PRKCB: variants seen among roughly 807,000 people sequenced by gnomAD.
The protein encoded by PRKCB is protein kinase C beta type.
Under a neutral mutation model 81.5 loss-of-function variants are expected in PRKCB, and 13 were observed. The ratio of observed to expected loss-of-function variants is 0.16; its 90% CI spans 0.10 to 0.25. PRKCB has a LOEUF of 0.25. PRKCB is among the 10% of genes least tolerant of loss of function. PRKCB has a pLI of 1.00. For missense variants in PRKCB, 509 were observed against 875.7 expected (o/e 0.58, Z 5.29); for synonymous variants, 335 against 321.4 (o/e 1.04, Z -0.45).
At chr16:24,181,410 A>G (rs1967619476) in intron 13 of PRKCB, among the ~76,000 whole-genome samples, 1 of 152,154 alleles carries the variant, frequency 6.6e-6, no homozygotes, top group Non-Finnish European at 1.5e-5. Flanking sequence ...TGAGTTAGAT[A>G]TATATGTAGA....
At chr16:23,933,277 T>C (rs764525020) in intron 2 of PRKCB, among the ~76,000 whole-genome samples, 5 of 152,214 alleles carry the variant, frequency 3.3e-5, no homozygotes, top group Non-Finnish European at 7.3e-5. Context: ...ACATTATGAC[T>C]ATGAACAGGT....
intron 3 of PRKCB, among the ~76,000 whole-genome samples, chr16:23,990,480 C>CT (rs759982148): frequency 1.2e-3 from 177 of 142,318 alleles, no homozygotes; most frequent in African/African-American, 1.4e-3. Flanking sequence ...AAAAAAGAAG[C>CT]TTTTTTTTTT....
At chr16:24,074,766 A>C (rs1966157659) in intron 5 of PRKCB, among the ~76,000 whole-genome samples, 1 of 152,278 alleles carries the variant, frequency 6.6e-6, no homozygotes, top group South Asian at 2.1e-4. Context: ...AAGGAGGCTG[A>C]TGCAACGGTC....
rs1968209732 is a variant in PRKCB at position 24,215,358 on chromosome 16, A to G, written c.*542A>G. 3 of 986,186 alleles carry G rather than the reference A, an allele frequency of 3.0e-6. No individual in the cohort carries two copies. Among genetic ancestry groups the G allele is most frequent in the Non-Finnish European group, 1.2e-6 (1 of 830,168 alleles). 61.1% of individuals were successfully genotyped at this position (986,186 alleles called of 1,614,324 possible). A position where few individuals can be genotyped will look rare whatever the true frequency, so the allele number is the denominator to read the frequency against. On this transcript the variant is annotated 3_prime_UTR_variant, in exon 17 of 17. Coordinates refer to ENST00000643927, the MANE Select transcript of PRKCB (RefSeq NM_002738.7). The stretch of plus-strand genomic sequence containing the variant: ...TTTTTGTAAACTCAAAGTTAAGATG[A>G]TCAAAGTTCTAAAATTCCAAGAATG...
intron 2 of PRKCB, among the ~76,000 whole-genome samples, chr16:23,895,377 G>T (rs1963362882): frequency 6.6e-6 from 1 of 151,800 alleles, no homozygotes; most frequent in Admixed American, 6.6e-5. Flanking sequence ...ACTTTTTTCT[G>T]TTTCCAGATG....
intron 10 of PRKCB, among the ~76,000 whole-genome samples, chr16:24,165,828 A>G (rs987002682): frequency 2.4e-4 from 36 of 151,308 alleles, no homozygotes; most frequent in African/African-American, 8.5e-4. Flanking sequence ...AAATAAGTCA[A>G]TTTTAGTAGA....
chr16:24,040,264 CTCAT>C (rs1965682424), intron 5 of PRKCB, among the ~76,000 whole-genome samples: 1 of 152,216 alleles, frequency 6.6e-6, no homozygotes, highest in African/African-American at 2.4e-5. Flanking sequence ...ACATGGCGAT[CTCAT>C]TCTTTATTCA....
intron 5 of PRKCB, among the ~76,000 whole-genome samples, chr16:24,041,572 T>C (rs1446493619): frequency 1.3e-5 from 2 of 152,134 alleles, no homozygotes; most frequent in African/African-American, 4.8e-5. Context: ...TTCTATATTC[T>C]TACCATTATA....
chr16:23,872,512 C>A (rs1962921557), intron 2 of PRKCB, among the ~76,000 whole-genome samples: 3 of 152,112 alleles, frequency 2.0e-5, no homozygotes, highest in South Asian at 4.1e-4. Context: ...CAGAGCAAGA[C>A]CCTTTATCTA....
chr16:24,182,207 C>A (rs935207537), intron 13 of PRKCB, among the ~76,000 whole-genome samples: 10 of 151,970 alleles, frequency 6.6e-5, no homozygotes, highest in African/African-American at 2.4e-4. Flanking sequence ...AGTTTAGAGT[C>A]GTGAGGGAGC....
chr16:24,079,683 T>A (rs1451264204), intron 5 of PRKCB, among the ~76,000 whole-genome samples: 2 of 152,158 alleles, frequency 1.3e-5, no homozygotes, highest in African/African-American at 4.8e-5. Context: ...TCCAAGCTGA[T>A]TTTGTGTTCT....
chr16:24,110,314 C>T (rs1263503397), intron 7 of PRKCB, among the ~76,000 whole-genome samples: 5 of 151,348 alleles, frequency 3.3e-5, no homozygotes, highest in South Asian at 4.2e-4. Context: ...CGGGTTCAAG[C>T]GATTCTCCTG....
chr16:23,989,745 G>T (rs959006785), intron 3 of PRKCB, among the ~76,000 whole-genome samples: 1 of 152,140 alleles, frequency 6.6e-6, no homozygotes, highest in Admixed American at 6.5e-5. Context: ...GTACATTGTT[G>T]ATTGGCCTAC....
intron 2 of PRKCB, among the ~76,000 whole-genome samples, chr16:23,885,897 T>C (rs1963190600): frequency 6.6e-6 from 1 of 152,218 alleles, no homozygotes; most frequent in African/African-American, 2.4e-5. Flanking sequence ...CTTAGTGTAT[T>C]TCTTTTTGAC....
At position 24,220,500 on chromosome 16, in the gene PRKCB, G is replaced by A. The variant is rs552569497; in HGVS notation, c.*5684G>A. On this transcript the variant is annotated 3_prime_UTR_variant, in exon 17 of 17. Coordinates refer to ENST00000643927, the MANE Select transcript of PRKCB (RefSeq NM_002738.7). ...TATCTTCTTTGAATGCTAAGCATGAGCGATATTTTTAAAAATTGTGAGTAA... is the reference window on the plus strand; with the variant it reads ...TATCTTCTTTGAATGCTAAGCATGAACGATATTTTTAAAAATTGTGAGTAA... 1.5e-3 allele frequency: 239 copies of A among 159,102 alleles called. No individual in the cohort carries two copies. The highest frequency in any genetic ancestry group is 2.4e-3 in the Non-Finnish European group (174 of 72,448). 9.9% of individuals were successfully genotyped at this position (159,102 alleles called of 1,614,324 possible). A position where few individuals can be genotyped will look rare whatever the true frequency, so the allele number is the denominator to read the frequency against.
intron 16 of PRKCB, among the ~76,000 whole-genome samples, chr16:24,214,172 G>C (rs1200319441): frequency 4.6e-5 from 7 of 152,222 alleles, no homozygotes; most frequent in Admixed American, 1.3e-4. Context: ...CTGATTGAGA[G>C]CTGGAGGACA....
chr16:24,068,477 G>C (rs999784795), intron 5 of PRKCB, among the ~76,000 whole-genome samples: 1 of 116,214 alleles, frequency 8.6e-6, no homozygotes, highest in Non-Finnish European at 1.9e-5. Context: ...TGGCCCAAAG[G>C]AAAAAAAAAA....
intron 2 of PRKCB, among the ~76,000 whole-genome samples, chr16:23,927,234 A>G (rs1293936207): frequency 6.6e-6 from 1 of 152,082 alleles, no homozygotes; most frequent in Non-Finnish European, 1.5e-5. Flanking sequence ...TAACTAAGTA[A>G]AGGAGGATGT....
chr16:23,999,804 G>A (rs1198755933), intron 3 of PRKCB, among the ~76,000 whole-genome samples: 1 of 152,240 alleles, frequency 6.6e-6, no homozygotes, highest in African/African-American at 2.4e-5. Flanking sequence ...ACTAGGGTGA[G>A]TCAAGTGAGG....
Sources: gnomAD v4.1 joint callset for allele counts (sites outside exome capture counted in the v4.1 genomes callset) on GRCh38, gnomAD v4.1.1 for gene constraint, MANE v1.5 for transcripts, NCBI Gene and HGNC (gene_info 2026-07-23, HGNC 2026-07-21) for gene names.